MRPS5: variants seen among roughly 807,000 people sequenced by gnomAD.
The protein encoded by MRPS5 is mitochondrial ribosomal protein S5.
In MRPS5, 27 loss-of-function variants were observed where a neutral mutation model predicts 51.9. The ratio of observed to expected loss-of-function variants is 0.52; its 90% CI spans 0.38 to 0.72. The LOEUF (loss-of-function observed/expected upper bound fraction) is 0.72. MRPS5 is among the 30% of genes least tolerant of loss of function. MRPS5 has a pLI of 0.00. For synonymous variants in MRPS5, 196 were observed against 193.2 expected (o/e 1.01, Z -0.12); for missense variants, 570 against 545.7 (o/e 1.04, Z -0.44).
Position 95,115,095 on chromosome 2 carries a change from T to A in MRPS5, c.248A>T (p.Gln83Leu). Residue 83 changes from glutamine (Q) to leucine (L), a missense_variant, in exon 3 of 12, where the codon CAG (glutamine) becomes CTG (leucine). Transcript: ENST00000272418. Reference protein sequence around the residue: ...ISSPSHLMSQQYRPYSFFTKL... With the variant: ...ISSPSHLMSQLYRPYSFFTKL... ...AGTGAAGAAACTATATGGTCTATACTGCTGGCTCATCAGGTGACTGGGAGA... is the reference window on the plus strand; with the variant it reads ...AGTGAAGAAACTATATGGTCTATACAGCTGGCTCATCAGGTGACTGGGAGA... 1 of 1,610,184 alleles carries A rather than the reference T, an allele frequency of 6.2e-7. No individual in the cohort carries two copies. The highest frequency in any genetic ancestry group is 1.3e-5 in the African/African-American group (1 of 74,828).
chr2:95,115,153 T>C lies in MRPS5; in HGVS notation c.190A>G (p.Ser64Gly), dbSNP rs756180899. The part of the protein sequence containing the change: ...TRDTHPYASL[S>G]RALQTQCCIS... Reference sequence around the variant, plus strand: ...CAGCATTGTGTCTGCAGTGCACGGCTCAAGCTGGCGTAGGGATGGGTGTCT... The same window carrying C: ...CAGCATTGTGTCTGCAGTGCACGGCCCAAGCTGGCGTAGGGATGGGTGTCT... The change falls in exon 3 of 12, where the codon AGC (serine) becomes GGC (glycine). Residue 64 changes from serine (S) to glycine (G), a missense_variant. Coordinates refer to ENST00000272418, the MANE Select transcript of MRPS5 (RefSeq NM_031902.5). The C allele has an allele frequency of 1.2e-6, 2 of 1,612,008 alleles. No individual in the cohort carries two copies. The highest frequency in any genetic ancestry group is 1.7e-6 in the Non-Finnish European group (2 of 1,179,558).
intron 10 of MRPS5, among the ~76,000 whole-genome samples, chr2:95,099,700 A>G (rs1011219517): frequency 2.0e-5 from 3 of 152,206 alleles, no homozygotes; most frequent in African/African-American, 7.2e-5. Context: ...ATGATTAATT[A>G]TGGCTTTAAA....
chr2:95,094,719 T>C (rs1328777273), intron 10 of MRPS5, among the ~76,000 whole-genome samples: 2 of 151,914 alleles, frequency 1.3e-5, no homozygotes, highest in African/African-American at 4.8e-5. Flanking sequence ...TTACAAGAAC[T>C]CCTGAAGGAA....
chr2:95,115,382 C>T (rs1430997818), intron 2 of MRPS5, among the ~76,000 whole-genome samples, 179 bp from the exon 3 acceptor site: 1 of 152,148 alleles, frequency 6.6e-6, no homozygotes, highest in Non-Finnish European at 1.5e-5. Flanking sequence ...AACCTAAATG[C>T]CCAGCCTAGT....
intron 11 of MRPS5, among the ~76,000 whole-genome samples, chr2:95,089,307 C>T (rs2104390812): frequency 6.6e-6 from 1 of 152,292 alleles, no homozygotes; most frequent in African/African-American, 2.4e-5. Context: ...AAAATTACTC[C>T]ATGGATCACT....
At chr2:95,094,338 A>C (rs1675557411) in intron 10 of MRPS5, among the ~76,000 whole-genome samples, 1 of 152,238 alleles carries the variant, frequency 6.6e-6, no homozygotes, top group South Asian at 2.1e-4. Flanking sequence ...GAACTTCCCC[A>C]ACCTAGCAAG....
intron 1 of MRPS5, among the ~76,000 whole-genome samples, chr2:95,120,438 G>A (rs3105096): frequency 6.6e-6 from 1 of 152,192 alleles, no homozygotes; most frequent in Non-Finnish European, 1.5e-5. Flanking sequence ...TTGTGCTGGA[G>A]GCCAATGGGA....
chr2:95,106,210 A>C (rs896813868), intron 6 of MRPS5, among the ~76,000 whole-genome samples: 3 of 152,194 alleles, frequency 2.0e-5, no homozygotes, highest in Non-Finnish European at 4.4e-5. Context: ...CCTCAGTGGT[A>C]GCTCCCCGCC....
intron 6 of MRPS5, 43 bp downstream of exon 6, chr2:95,106,380 C>CA: frequency 1.5e-5 from 9 of 620,246 alleles, no homozygotes; most frequent in Non-Finnish European, 2.4e-5. Context: ...CCCACCCCAA[C>CA]CTCTCCAAAG....
At chr2:95,099,942 C>T (rs1675747029) in intron 10 of MRPS5, among the ~76,000 whole-genome samples, 1 of 152,096 alleles carries the variant, frequency 6.6e-6, no homozygotes, top group Non-Finnish European at 1.5e-5. Context: ...TCAGCAGGTT[C>T]AAGAATCCTA....
Position 95,087,506 on chromosome 2 carries a change from T to A in MRPS5, c.1144A>T (p.Ile382Phe), listed in dbSNP as rs373301376. The stretch of plus-strand genomic sequence containing the variant: ...GGCCCCCGGGGGGACGCAACCACAA[T>A]GGGCAGAGGGCCACATTCCTCCCGG... ...EIREECGPLP[I>F]VVASPRGPLR... The change falls in exon 12 of 12, where the codon ATT becomes TTT. Residue 382 changes from isoleucine to phenylalanine, a missense_variant. Physicochemically the swap from Ile to Phe is conservative, Grantham distance 21. Transcript: ENST00000272418. 40 of 1,614,168 alleles carry A rather than the reference T, an allele frequency of 2.5e-5. No homozygotes were observed. Among genetic ancestry groups the A allele is most frequent in the Non-Finnish European group, 3.3e-5 (39 of 1,180,028 alleles).
chr2:95,120,952 T>C (rs1676426325), intron 1 of MRPS5, among the ~76,000 whole-genome samples: 3 of 151,976 alleles, frequency 2.0e-5, no homozygotes, highest in Non-Finnish European at 2.9e-5. Flanking sequence ...ACCCCGTCTC[T>C]ACTAAAAATA....
chr2:95,105,286 A>T (rs1239918525), intron 6 of MRPS5, among the ~76,000 whole-genome samples: 3 of 152,248 alleles, frequency 2.0e-5, no homozygotes, highest in Admixed American at 6.5e-5. Flanking sequence ...ACAGTGGCTC[A>T]TGCCTGTAAT....
rs1423065455 is a variant in MRPS5 at position 95,085,981 on chromosome 2, C to T, written c.*1376G>A. On this transcript the variant is annotated 3_prime_UTR_variant, in exon 12 of 12. Transcript: ENST00000272418. ...CCAGGCTGGAGTGGCATGAACAAGG[C>T]TCACTGCAGCCTCAACCTCCTGCAA... Among the ~76,000 whole-genome samples the T allele has an allele frequency of 6.6e-6, 1 of 151,624 alleles. No homozygotes were observed. The highest frequency in any genetic ancestry group is 2.1e-4 in the South Asian group (1 of 4,808).
chr2:95,104,223 G>A (rs780046240), intron 7 of MRPS5: 19 of 168,592 alleles, frequency 1.1e-4, no homozygotes, highest in Admixed American at 7.4e-4. Flanking sequence ...CTTATATAAC[G>A]TTTTTGTGTT....
At chr2:95,115,270 A>C in intron 2 of MRPS5, 67 bp from the exon 3 acceptor site, 1 of 1,351,250 alleles carries the variant, frequency 7.4e-7, no homozygotes, top group Non-Finnish European at 9.8e-7. Flanking sequence ...TGCTAGCATC[A>C]AATAATCATT....
In MRPS5 at chr2:95,087,543, A is replaced by T. The variant is rs1415854473; in HGVS notation, c.1107T>A (p.His369Gln). 1 of 1,614,018 alleles carries T rather than the reference A, an allele frequency of 6.2e-7. No homozygotes were observed. The highest frequency in any genetic ancestry group is 1.1e-5 in the South Asian group (1 of 91,068). The change falls in exon 12 of 12, where the codon CAT becomes CAA. Residue 369 changes from histidine (H) to glutamine (Q), a missense_variant. Transcript: ENST00000272418. ...HQQLADKKGL[H>Q]VVEIREECGP... ...CACATTCCTCCCGGATTTCCACAAC[A>T]TGGAGGCCCTTCTTATCAGCCAGCT...
At chr2:95,108,103 C>A in intron 5 of MRPS5, 72 bp downstream of exon 5, 2 of 1,348,154 alleles carry the variant, frequency 1.5e-6, no homozygotes, top group Non-Finnish European at 1.1e-6. Context: ...CAAGTAATAA[C>A]ACCATTTCAA....
intron 6 of MRPS5, among the ~76,000 whole-genome samples, chr2:95,106,051 C>T (rs1257607683): frequency 2.0e-5 from 3 of 152,146 alleles, no homozygotes; most frequent in Non-Finnish European, 4.4e-5. Flanking sequence ...TCTACCCTGC[C>T]CAGGGCTCCC....
Sources: allele counts gnomAD v4.1 joint callset (sites outside exome capture counted in the v4.1 genomes callset), GRCh38; gene constraint gnomAD v4.1.1; transcripts MANE v1.5; gene names NCBI Gene and HGNC (gene_info 2026-07-23, HGNC 2026-07-21).